EPHA4: variants seen among roughly 807,000 people sequenced by gnomAD.
EPHA4 encodes ephrin type-A receptor 4.
Under a neutral mutation model 108.3 loss-of-function variants are expected in EPHA4, and 19 were observed. The ratio of observed to expected loss-of-function variants is 0.18; its 90% confidence interval spans 0.12 to 0.26. The LOEUF (loss-of-function observed/expected upper bound fraction) is 0.26, where lower values mean the gene tolerates loss of function less well. Among genes scored for constraint, EPHA4 ranks in the 10% least tolerant of loss-of-function variants. The pLI is 1.00. For synonymous variants in EPHA4, 449 were observed against 455.5 expected (o/e 0.99, Z 0.18); for missense variants, 917 against 1,254.0 (o/e 0.73, Z 4.06).
Position 221,494,329 on chromosome 2 carries a change from T to G in EPHA4, c.979+6688A>C, listed in dbSNP as rs575010264. Among the ~76,000 whole-genome samples, 28 of 152,248 alleles carry G rather than the reference T, an allele frequency of 1.8e-4. No homozygotes were observed. In the South Asian group the frequency reaches 5.6e-3, roughly 30 times the overall value. ...AAAAGAAAGTTACCTTAATGCCGGG[T>G]GCAGTGACTCACGCCTGTAATCCCA... On this transcript the variant is annotated intron_variant, in intron 4 of 17. Coordinates refer to ENST00000281821, the MANE Select transcript of EPHA4 (RefSeq NM_004438.5).
At chr2:221,462,216 T>C (rs201144875) in intron 5 of EPHA4, among the ~76,000 whole-genome samples, 144 of 152,170 alleles carry the variant, frequency 9.5e-4, no homozygotes, top group African/African-American at 3.3e-3. Context: ...AAGATGACTA[T>C]GTAAAAATCA....
rs562484270 is a variant in EPHA4 at position 221,440,150 on chromosome 2, T to C, written c.2074+2679A>G. Among the ~76,000 whole-genome samples, 13 of 152,032 alleles carry C rather than the reference T, an allele frequency of 8.6e-5. No individual in the cohort carries two copies. In the South Asian group the frequency reaches 1.9e-3, roughly 22 times the overall value. On this transcript the variant is annotated intron_variant, in intron 11 of 17. Coordinates refer to ENST00000281821, the MANE Select transcript of EPHA4 (RefSeq NM_004438.5). The stretch of plus-strand genomic sequence containing the variant: ...TTCCCTGCAGTAGGCAGGGATGCAG[T>C]GGGGAGGAAAGGGGTGGGGGAAGGG...
intron 3 of EPHA4, among the ~76,000 whole-genome samples, chr2:221,537,662 C>T (rs1220030388): frequency 6.6e-6 from 1 of 152,202 alleles, no homozygotes; most frequent in South Asian, 2.1e-4. Context: ...CAGTGGTGCA[C>T]ACCTGTAGCC....
chr2:221,436,663 T>C, intron 12 of EPHA4, 55 bp from the exon 13 acceptor site: 1 of 1,520,800 alleles, frequency 6.6e-7, no homozygotes. Context: ...AAGTTAATTC[T>C]CACCAAGCAT....
At position 221,443,474 on chromosome 2, in the gene EPHA4, C is replaced by A; in HGVS notation, c.1888+19G>T. On this transcript the variant is annotated intron_variant, in intron 10 of 17. Coordinates refer to ENST00000281821, the MANE Select transcript of EPHA4 (RefSeq NM_004438.5). Reference sequence around the variant, plus strand: ...CCAAGAAAACAGACTCATTAGCAGACGGACACTCAGACACTTACCAACTCC... The same window carrying A: ...CCAAGAAAACAGACTCATTAGCAGAAGGACACTCAGACACTTACCAACTCC... The A allele has an allele frequency of 6.4e-7, 1 of 1,562,976 alleles. No homozygotes were observed.
chr2:221,444,739 T>TC (rs1403088810), intron 9 of EPHA4, among the ~76,000 whole-genome samples: 1 of 139,634 alleles, frequency 7.2e-6, no homozygotes, highest in Non-Finnish European at 1.5e-5. Context: ...TCTCTTTTTT[T>TC]CTATCTTTTT....
chr2:221,437,115 T>C lies in EPHA4; in HGVS notation c.2082A>G (p.Pro694=). ...CCATGTACTCTGTTATGATCATTAC[T>C]GGTTTACCTAGAGTTTTCAGAAAGA... ...HLEGVVTKCK[P]VMIITEYMEN... Residue 694 remains proline, a synonymous_variant, in exon 12 of 18, where the codon CCA becomes CCG. Coordinates refer to ENST00000281821, the MANE Select transcript of EPHA4 (RefSeq NM_004438.5). 1 of 1,612,028 alleles carries C rather than the reference T, an allele frequency of 6.2e-7. No individual in the cohort carries two copies. Among genetic ancestry groups the C allele is most frequent in the African/African-American group, 1.3e-5 (1 of 75,020 alleles).
chr2:221,465,419 T>C (rs969358341), intron 5 of EPHA4, among the ~76,000 whole-genome samples: 8 of 152,200 alleles, frequency 5.3e-5, no homozygotes, highest in Non-Finnish European at 7.3e-5. Flanking sequence ...TGGTTAAATT[T>C]TAAATGATAG....
chr2:221,443,591 A>G lies in EPHA4; in HGVS notation c.1790T>C (p.Val597Ala), dbSNP rs1690498611. 1 of 1,613,928 alleles carries G rather than the reference A, an allele frequency of 6.2e-7. No individual in the cohort carries two copies. Among genetic ancestry groups the G allele is most frequent in the Non-Finnish European group, 8.5e-7 (1 of 1,179,850 alleles). Residue 597 changes from valine to alanine, a missense_variant, in exon 10 of 18, where the codon GTG becomes GCG. This residue lies in a region of EPHA4 where 758 missense variants were observed against 1,076.7 expected (regional missense o/e 0.70). Transcript: ENST00000281821. ...KHLNQGVRTY[V>A]DPFTYEDPNQ... ...GGGATCTTCGTACGTAAAGGGGTCC[A>G]CATATGTTCTTACACCTGAGTGATA...
chr2:221,559,591 G>C (rs1251362049), intron 3 of EPHA4, among the ~76,000 whole-genome samples: 1 of 152,056 alleles, frequency 6.6e-6, no homozygotes, highest in Non-Finnish European at 1.5e-5. Context: ...AAATTTAATG[G>C]AATATTTTCC....
intron 8 of EPHA4, among the ~76,000 whole-genome samples, chr2:221,454,548 C>T (rs1390164682): frequency 6.6e-6 from 1 of 152,160 alleles, no homozygotes; most frequent in East Asian, 1.9e-4. Context: ...TTTTGACATC[C>T]CCAGGCTTAG....
intron 4 of EPHA4, among the ~76,000 whole-genome samples, chr2:221,486,795 C>T (rs1691988144): frequency 6.7e-6 from 1 of 150,320 alleles, no homozygotes; most frequent in South Asian, 2.1e-4. Flanking sequence ...TTTATCACTT[C>T]CTGTTTTCTA....
At chr2:221,443,633 T>C in intron 9 of EPHA4, 27 bp from the exon 10 acceptor site, 2 of 1,533,312 alleles carry the variant, frequency 1.3e-6, no homozygotes, top group Non-Finnish European at 1.8e-6. Context: ...ATAAGTTGGC[T>C]GAATACTTCT....
chr2:221,503,690 T>C lies in EPHA4; in HGVS notation c.824-2518A>G, dbSNP rs531838890. ...ACAGACACTCTTTTCCTTTTGCTTT[T>C]ATAAAACACAGGCAGAAAATACAAA... On this transcript the variant is annotated intron_variant, in intron 3 of 17. Transcript: ENST00000281821. Among the ~76,000 whole-genome samples the C allele has an allele frequency of 7.2e-5, 11 of 152,354 alleles. No homozygotes were observed. In the South Asian group the frequency reaches 2.3e-3, roughly 32 times the overall value.
At chr2:221,572,008 A>T in intron 1 of EPHA4, 150 bp downstream of exon 1, 1 of 665,836 alleles carries the variant, frequency 1.5e-6, no homozygotes, top group Non-Finnish European at 2.6e-6. Context: ...CCCTTCGCCG[A>T]TCCCCTCGCC....
chr2:221,475,595 C>A (rs982458167), intron 5 of EPHA4, among the ~76,000 whole-genome samples: 1 of 152,178 alleles, frequency 6.6e-6, no homozygotes, highest in Admixed American at 6.5e-5. Flanking sequence ...TGAGATAGTG[C>A]CCATGTTCGC....
At chr2:221,519,965 T>C (rs1693110661) in intron 3 of EPHA4, among the ~76,000 whole-genome samples, 1 of 152,156 alleles carries the variant, frequency 6.6e-6, no homozygotes, top group Non-Finnish European at 1.5e-5. Context: ...CTCTGTAGTT[T>C]CTCGGTGTCT....
At chr2:221,515,775 C>T (rs1253591595) in intron 3 of EPHA4, among the ~76,000 whole-genome samples, 7 of 152,182 alleles carry the variant, frequency 4.6e-5, no homozygotes, top group East Asian at 1.9e-4. Flanking sequence ...CGTGATTGTG[C>T]CACTGCACTC....
intron 3 of EPHA4, among the ~76,000 whole-genome samples, chr2:221,534,719 A>T (rs13018156): frequency 1.9e-4 from 29 of 152,178 alleles, no homozygotes; most frequent in Non-Finnish European, 4.3e-4. Flanking sequence ...TTTAGCTGAA[A>T]ATTTAATTTT....
Sources: gnomAD v4.1 joint callset for allele counts (sites outside exome capture counted in the v4.1 genomes callset) on GRCh38, gnomAD v4.1.1 for gene constraint, gnomAD v4.1.1 regional missense constraint, MANE v1.5 for transcripts, NCBI Gene and HGNC (gene_info 2026-07-23, HGNC 2026-07-21) for gene names.